The following EFHC2 variants were observed in gnomAD, a reference collection of about 807,000 sequenced individuals.
EFHC2 encodes EF-hand domain-containing family member C2.
Under a neutral mutation model 52.7 loss-of-function variants are expected in EFHC2, and 18 were observed. The ratio of observed to expected loss-of-function variants is 0.34; its 90% CI spans 0.24 to 0.51. The LOEUF (loss-of-function observed/expected upper bound fraction) is 0.51. Ranked by LOEUF, EFHC2 falls within the 20% of genes least tolerant of loss-of-function variation. EFHC2 has a pLI of 0.97. For synonymous variants in EFHC2, 203 were observed against 204.1 expected, an observed-to-expected ratio of 0.99 and a Z score of 0.04; for missense variants, 513 against 562.5, an observed-to-expected ratio of 0.91 and a Z score of 0.89.
At chrX:44,154,527 C>T (rs1227162668) in intron 14 of EFHC2, among the ~76,000 whole-genome samples, 1 of 108,407 alleles carries the variant, frequency 9.2e-6, no homozygotes, top group Non-Finnish European at 1.9e-5. Flanking sequence ...ATAGTGAGAC[C>T]CTGTCTCTAC....
At chrX:44,274,805 T>C (rs895837496) in intron 2 of EFHC2, among the ~76,000 whole-genome samples, 5 of 110,604 alleles carry the variant, frequency 4.5e-5, no homozygotes, top group Admixed American at 9.7e-5. Context: ...GGTGGGAGGA[T>C]TGCTTGAGCC....
intron 2 of EFHC2, among the ~76,000 whole-genome samples, chrX:44,280,420 G>A (rs756741504): frequency 4.3e-4 from 48 of 111,992 alleles, no homozygotes; most frequent in Non-Finnish European, 8.3e-4. Flanking sequence ...TAAAACAACA[G>A]CCTAAATATC....
chrX:44,297,868 C>T (rs1436190644), intron 2 of EFHC2, among the ~76,000 whole-genome samples: 1 of 102,445 alleles, frequency 9.8e-6, no homozygotes, highest in African/African-American at 3.6e-5. Context: ...AGGGCACTCA[C>T]AATAGAAGAT....
chrX:44,260,423 A>ACC (rs2037529659), intron 4 of EFHC2, among the ~76,000 whole-genome samples: 1 of 111,687 alleles, frequency 9.0e-6, no homozygotes, highest in Admixed American at 9.5e-5. Context: ...ATTCTTCTGG[A>ACC]AAACAAAATT....
intron 2 of EFHC2, among the ~76,000 whole-genome samples, chrX:44,279,014 C>T (rs2037681979): frequency 8.9e-6 from 1 of 111,856 alleles, no homozygotes; most frequent in South Asian, 3.7e-4. Context: ...TGAAACATAG[C>T]CAGAGTTTAG....
At chrX:44,178,601 T>C (rs1247229885) in intron 11 of EFHC2, 37 bp from the exon 12 acceptor site, 4 of 1,051,716 alleles carry the variant, frequency 3.8e-6, no homozygotes, top group Non-Finnish European at 5.1e-6. Context: ...TAAACTGATA[T>C]CTAAGAATAC....
rs2036686799 is a variant in EFHC2 at position 44,165,169 on chromosome X, T to G, written c.2043-1142A>C. Reference sequence around the variant, plus strand: ...ATATACTCCTAATCAGTCCAAAGATTTTTCTCTTTTCTTCTCAAAGTACTA... The same window carrying G: ...ATATACTCCTAATCAGTCCAAAGATGTTTCTCTTTTCTTCTCAAAGTACTA... On this transcript the variant is annotated intron_variant, in intron 13 of 14. Transcript: ENST00000420999. Among the ~76,000 whole-genome samples the G allele has an allele frequency of 2.7e-5, 3 of 111,607 alleles. No individual in the cohort carries two copies. In the South Asian group the frequency reaches 1.1e-3, roughly 42 times the overall value.
chrX:44,296,016 T>C (rs919080773), intron 2 of EFHC2, among the ~76,000 whole-genome samples: 3 of 111,724 alleles, frequency 2.7e-5, no homozygotes, highest in African/African-American at 9.8e-5. Context: ...TTCTCTCTTT[T>C]TCGATTCTCA....
At chrX:44,339,564 C>T (rs758029184) in intron 1 of EFHC2, among the ~76,000 whole-genome samples, 3 of 111,107 alleles carry the variant, frequency 2.7e-5, no homozygotes, top group Non-Finnish European at 5.6e-5. Context: ...ATCACCTAGC[C>T]GTGGACAGAA....
At chrX:44,293,130 C>G (rs1324888248) in intron 2 of EFHC2, among the ~76,000 whole-genome samples, 2 of 109,767 alleles carry the variant, frequency 1.8e-5, no homozygotes, top group Non-Finnish European at 3.8e-5. Context: ...GTACGTGCCA[C>G]CATGCCCAGC....
chrX:44,151,391 T>TCAGAAGGC (rs1345258774), intron 14 of EFHC2, among the ~76,000 whole-genome samples: 1 of 111,685 alleles, frequency 9.0e-6, no homozygotes, highest in Non-Finnish European at 1.9e-5. Flanking sequence ...CTTTCACAGT[T>TCAGAAGGC]CAGAAGGCCA....
chrX:44,202,336 C>T (rs1308900107), intron 11 of EFHC2, among the ~76,000 whole-genome samples: 1 of 110,952 alleles, frequency 9.0e-6, no homozygotes, highest in African/African-American at 3.3e-5. Context: ...TGTTTGAACC[C>T]GGGTGGCGGA....
At chrX:44,174,692 G>A (rs2036772705) in intron 13 of EFHC2, among the ~76,000 whole-genome samples, 1 of 106,899 alleles carries the variant, frequency 9.4e-6, no homozygotes, top group Non-Finnish European at 1.9e-5. Context: ...TGTGTAATAT[G>A]CTAAACGGCC....
intron 2 of EFHC2, among the ~76,000 whole-genome samples, chrX:44,293,967 C>T (rs143912027): frequency 3.6e-5 from 4 of 112,238 alleles, no homozygotes; most frequent in African/African-American, 1.3e-4. Flanking sequence ...TGGTCCTACA[C>T]GGGGAATTGT....
chrX:44,220,982 G>A (rs1314684489), intron 11 of EFHC2, among the ~76,000 whole-genome samples: 1 of 111,644 alleles, frequency 9.0e-6, no homozygotes, highest in Non-Finnish European at 1.9e-5. Context: ...ATGTTCACCT[G>A]GAGTCAGTTA....
intron 2 of EFHC2, among the ~76,000 whole-genome samples, chrX:44,277,387 G>T (rs781372151): frequency 9.0e-6 from 1 of 111,389 alleles, no homozygotes; most frequent in South Asian, 3.7e-4. Context: ...ACATGTCCAA[G>T]TTTAATATGT....
At chrX:44,219,268 G>A (rs1389115352) in intron 11 of EFHC2, among the ~76,000 whole-genome samples, 2 of 110,503 alleles carry the variant, frequency 1.8e-5, no homozygotes, top group East Asian at 5.7e-4. Flanking sequence ...CTGGAGTGAT[G>A]GTAATGTTCT....
At chrX:44,329,412 C>T (rs1278295118) in intron 1 of EFHC2, among the ~76,000 whole-genome samples, 1 of 111,360 alleles carries the variant, frequency 9.0e-6, no homozygotes, top group Non-Finnish European at 1.9e-5. Flanking sequence ...ACCAATGGAA[C>T]AGAACAGACA....
intron 2 of EFHC2, among the ~76,000 whole-genome samples, chrX:44,279,487 G>A (rs1275678026): frequency 9.0e-6 from 1 of 111,423 alleles, no homozygotes; most frequent in Non-Finnish European, 1.9e-5. Flanking sequence ...AAATAAAATA[G>A]ATAAGATTTT....
Sources: gnomAD v4.1 joint callset for allele counts (sites outside exome capture counted in the v4.1 genomes callset) on GRCh38, gnomAD v4.1.1 for gene constraint, MANE v1.5 for transcripts, NCBI Gene and HGNC (gene_info 2026-07-23, HGNC 2026-07-21) for gene names.